PRKAB2: variants seen among roughly 807,000 people sequenced by gnomAD.
The protein encoded by PRKAB2 is 5'-AMP-activated protein kinase subunit beta-2.
A neutral mutation model predicts 29.8 loss-of-function variants in PRKAB2; 18 were observed. That is an observed-to-expected ratio of 0.60 (90% CI 0.42 to 0.89). PRKAB2 has a LOEUF of 0.89. Among genes scored for constraint, PRKAB2 ranks in the 40% least tolerant of loss-of-function variants. The probability of loss-of-function intolerance (pLI) is 0.00; values close to 1 mark genes in which losing one functional copy is unlikely to be tolerated. For missense variants in PRKAB2, 270 were observed against 344.3 expected (o/e 0.78, Z 1.71); for synonymous variants, 136 against 125.9 (o/e 1.08, Z -0.54).
At chr1:147,160,559 A>G (rs587752305) in intron 7 of PRKAB2, among the ~76,000 whole-genome samples, 5 of 152,290 alleles carry the variant, frequency 3.3e-5, no homozygotes, top group African/African-American at 1.2e-4. Flanking sequence ...CCCGTACTGT[A>G]TTATCCACCA....
In PRKAB2 at chr1:147,158,139, G is replaced by A. The variant is rs1653765016; in HGVS notation, c.*1426C>T. 6.6e-6 allele frequency: 1 copy of A among 151,984 alleles called. No homozygotes were observed. 9.4% of individuals were successfully genotyped at this position (151,984 alleles called of 1,614,324 possible). ...AAATGGAAGAGCCCCAGCTACTTGG[G>A]AAAAAATGTTTTATCTCTGAACCCC... On this transcript the variant is annotated 3_prime_UTR_variant, in exon 8 of 8. Coordinates refer to ENST00000254101, the MANE Select transcript of PRKAB2 (RefSeq NM_005399.5).
chr1:147,163,884 A>G, intron 5 of PRKAB2, among the ~76,000 whole-genome samples: 1 of 152,280 alleles, frequency 6.6e-6, no homozygotes, highest in South Asian at 2.1e-4. Flanking sequence ...GCAGACAAGA[A>G]TACAATATAC....
rs1443408518 is a variant in PRKAB2, at chr1:147,172,414, C to G, written c.-24+15G>C. 4 of 529,738 alleles carry G rather than the reference C, an allele frequency of 7.6e-6. No homozygotes were observed. The East Asian group carries it at 1.0e-4, about 14-fold the overall frequency. 32.8% of individuals were successfully genotyped at this position (529,738 alleles called of 1,614,324 possible). On this transcript the variant is annotated intron_variant, in intron 1 of 7. Coordinates refer to ENST00000254101, the MANE Select transcript of PRKAB2 (RefSeq NM_005399.5). ...TCCCCGCGCTCACTGCCAGGGGCGC[C>G]CCCACTCCAGTCACCTCGGGCGATG...
rs1553912692 is a variant in PRKAB2, at chr1:147,158,688, C to G, written c.*877G>C. The G allele has an allele frequency of 6.6e-6, 1 of 152,164 alleles. No homozygotes were observed. The highest frequency in any genetic ancestry group is 1.9e-4 in the East Asian group (1 of 5,198). The allele number at this position is 152,164 out of a possible 1,614,324, so 9.4% of individuals were successfully genotyped here. A position where few individuals can be genotyped will look rare whatever the true frequency, so the allele number is the denominator to read the frequency against. On this transcript the variant is annotated 3_prime_UTR_variant, in exon 8 of 8. Transcript: ENST00000254101. ...GAGAAAGAAAAGACAGAAGCAGGGC[C>G]AGGCAAAGTGGGAAAACTTTCGGGA... is the stretch of plus-strand genomic sequence containing the variant.
intron 3 of PRKAB2, among the ~76,000 whole-genome samples, chr1:147,167,284 T>C (rs56074784): frequency 0.051 from 7,792 of 152,268 alleles, 348 homozygotes; most frequent in African/African-American, 0.11. Context: ...GATACAGAAG[T>C]GCCTCAAGGT....
At chr1:147,167,710 G>C in intron 3 of PRKAB2, 57 bp downstream of exon 3, 1 of 1,556,750 alleles carries the variant, frequency 6.4e-7, no homozygotes, top group Non-Finnish European at 8.7e-7. Flanking sequence ...TCTCTTCTGA[G>C]AAAAGAAATC....
In PRKAB2 at chr1:147,172,144, TGGCTGCAGC is replaced by T; in HGVS notation, c.-9_-1del. ...ACCCGGTCGCTGGTGGTGTTTCCCA[TGGCTGCAGC>T]TCGTCGGGGACCACCTACCGCGGGG... On this transcript the variant is annotated 5_prime_UTR_variant, in exon 2 of 8. Coordinates refer to ENST00000254101, the MANE Select transcript of PRKAB2 (RefSeq NM_005399.5). 6.5e-7 allele frequency: 1 copy of T among 1,546,210 alleles called. No homozygotes were observed.
At chr1:147,171,577 G>A (rs1553914367) in intron 2 of PRKAB2, among the ~76,000 whole-genome samples, 2 of 152,160 alleles carry the variant, frequency 1.3e-5, no homozygotes, top group African/African-American at 4.8e-5. Context: ...ATTTCATTTA[G>A]CCACCTCAGG....
rs1191431879 is a variant in PRKAB2 at position 147,156,958 on chromosome 1, C to G, written c.*2607G>C. 1 of 152,054 alleles carries G rather than the reference C, an allele frequency of 6.6e-6. No homozygotes were observed. The highest frequency in any genetic ancestry group is 1.5e-5 in the Non-Finnish European group (1 of 67,994). 9.4% of individuals were successfully genotyped at this position (152,054 alleles called of 1,614,324 possible). ...TCTCAGCTCAGTCACTCTTCTCTTCCCCACAATTCCGAAACTATGTTGAAG... is the reference window on the plus strand; with the variant it reads ...TCTCAGCTCAGTCACTCTTCTCTTCGCCACAATTCCGAAACTATGTTGAAG... On this transcript the variant is annotated 3_prime_UTR_variant, in exon 8 of 8. Coordinates refer to ENST00000254101, the MANE Select transcript of PRKAB2 (RefSeq NM_005399.5).
chr1:147,159,791 G>T, intron 7 of PRKAB2, 149 bp from the exon 8 acceptor site: 1 of 685,230 alleles, frequency 1.5e-6, no homozygotes, highest in South Asian at 1.8e-5. Context: ...TTCCAATTCT[G>T]ACTCCTATCA....
rs782491363 is a variant in PRKAB2, at chr1:147,166,580, C to G, written c.456G>C (p.Leu152Phe). ...VTSQLGTINN[L>F]IHVKKSDFEV... ...CAAAATCAGATTTCTTGACATGGAT[C>G]AAATTGTTAATTGTGCCAAGCTGAC... Residue 152 changes from leucine (L) to phenylalanine (F), a missense_variant, in exon 5 of 8, where the codon TTG (leucine) becomes TTC (phenylalanine). Leu to Phe is a conservative substitution (Grantham distance 22). Transcript: ENST00000254101. 6.2e-7 allele frequency: 1 copy of G among 1,614,106 alleles called. No individual in the cohort carries two copies. Among genetic ancestry groups the G allele is most frequent in the Non-Finnish European group, 8.5e-7 (1 of 1,179,988 alleles).
chr1:147,161,872 T>C, intron 6 of PRKAB2, 92 bp from the exon 7 acceptor site: 1 of 1,047,948 alleles, frequency 9.5e-7, no homozygotes, highest in Non-Finnish European at 1.4e-6. Context: ...CAGAGCTCTT[T>C]GAGAAATTTA....
chr1:147,167,958 T>C, intron 2 of PRKAB2, 25 bp from the exon 3 acceptor site: 1 of 1,595,588 alleles, frequency 6.3e-7, no homozygotes, highest in Non-Finnish European at 8.5e-7. Flanking sequence ...AGGTCATCCC[T>C]AGAATAAACT....
chr1:147,157,343 T>C lies in PRKAB2; in HGVS notation c.*2222A>G, dbSNP rs1166133263. The C allele has an allele frequency of 6.6e-6, 1 of 152,112 alleles. No homozygotes were observed. Among genetic ancestry groups the C allele is most frequent in the African/African-American group, 2.4e-5 (1 of 41,414 alleles). 9.4% of individuals were successfully genotyped at this position (152,112 alleles called of 1,614,324 possible). ...TTCTATACCAGCTGGTAGGCTCCCA[T>C]TTCACATCTGGGCTGAGAGTTACCT... On this transcript the variant is annotated 3_prime_UTR_variant, in exon 8 of 8. Coordinates refer to ENST00000254101, the MANE Select transcript of PRKAB2 (RefSeq NM_005399.5).
At position 147,167,260 on chromosome 1, in the gene PRKAB2, ATAGG is replaced by A. The variant is rs1197875157; in HGVS notation, c.324-325_324-322del. Among the ~76,000 whole-genome samples, 10 of 152,302 alleles carry A rather than the reference ATAGG, an allele frequency of 6.6e-5. No individual in the cohort carries two copies. The East Asian group carries it at 1.9e-3, about 29-fold the overall frequency. On this transcript the variant is annotated intron_variant, in intron 3 of 7. Transcript: ENST00000254101. ...CAAGTTCCTCACCAGTGCAAATAAG[ATAGG>A]TAGGTTTAGGATACAGAAGTGCCTC... is the stretch of plus-strand genomic sequence containing the variant.
At chr1:147,166,197 A>C (rs1553913658) in intron 5 of PRKAB2, among the ~76,000 whole-genome samples, 1 of 152,208 alleles carries the variant, frequency 6.6e-6, no homozygotes, top group Non-Finnish European at 1.5e-5. Flanking sequence ...TACTAGAAAC[A>C]GCTTTTCAAA....
Position 147,167,924 on chromosome 1 carries a change from C to A in PRKAB2, c.166G>T (p.Asp56Tyr). Reference sequence around the variant, plus strand: ...TGCTGCCATGATACAAACTCTTTGTCCCCAGGGAGCTGTAAGAAGGAGTAG... The same window carrying A: ...TGCTGCCATGATACAAACTCTTTGTACCCAGGGAGCTGTAAGAAGGAGTAG... ...FSLPDSKLPGDKEFVSWQQDL... is the reference protein window; with the variant it reads ...FSLPDSKLPGYKEFVSWQQDL... Residue 56 changes from aspartate (D) to tyrosine (Y), a missense_variant, in exon 3 of 8, where the codon GAC (aspartate) becomes TAC (tyrosine). Transcript: ENST00000254101. 1 of 1,611,304 alleles carries A rather than the reference C, an allele frequency of 6.2e-7. No homozygotes were observed. The highest frequency in any genetic ancestry group is 1.7e-5 in the Admixed American group (1 of 59,510).
In PRKAB2 at chr1:147,158,356, G is replaced by T. The variant is rs1553912661; in HGVS notation, c.*1209C>A. 6.6e-6 allele frequency: 1 copy of T among 152,140 alleles called. No homozygotes were observed. The highest frequency in any genetic ancestry group is 2.4e-5 in the African/African-American group (1 of 41,436). The allele number at this position is 152,140 out of a possible 1,614,324, so 9.4% of individuals were successfully genotyped here. ...TCTTGGCCTAACAAATCTTTAAAAT[G>T]AGGAACCCCTTTAGGTGCATCAAAT... On this transcript the variant is annotated 3_prime_UTR_variant, in exon 8 of 8. Transcript: ENST00000254101.
intron 5 of PRKAB2, among the ~76,000 whole-genome samples, chr1:147,165,868 C>T (rs1389142380): frequency 6.6e-6 from 1 of 152,084 alleles, no homozygotes; most frequent in Non-Finnish European, 1.5e-5. Context: ...CTCAAACATG[C>T]TTCACAGCAG....
Sources: allele counts gnomAD v4.1 joint callset (sites outside exome capture counted in the v4.1 genomes callset), GRCh38; gene constraint gnomAD v4.1.1; transcripts MANE v1.5; gene names NCBI Gene and HGNC (gene_info 2026-07-23, HGNC 2026-07-21).